Variants in RBFOX1 observed in about 807,000 individuals in gnomAD.
The protein encoded by RBFOX1 is RNA binding protein fox-1 homolog 1.
A neutral mutation model predicts 57.7 loss-of-function variants in RBFOX1; 8 were observed. The ratio of observed to expected loss-of-function variants is 0.14; its 90% confidence interval spans 0.08 to 0.25. The LOEUF is 0.25. RBFOX1 is among the 10% of genes least tolerant of loss of function. The pLI is 1.00. For missense variants in RBFOX1, 611 were observed against 548.5 expected (o/e 1.11, Z -1.14); for synonymous variants, 326 against 222.4 (o/e 1.47, Z -4.15).
chr16:7,416,865 T>G (rs1465483714), intron 4 of RBFOX1, among the ~76,000 whole-genome samples: 1 of 152,134 alleles, frequency 6.6e-6, no homozygotes, highest in Non-Finnish European at 1.5e-5. Context: ...ATTATCTCAT[T>G]CAATCCCCGA....
rs115438324 is a variant in RBFOX1, at chr16:5,912,395, C to T, written c.351+45060C>T. On this transcript the variant is annotated intron_variant, in intron 4 of 19. Coordinates refer to the RBFOX1 transcript ENST00000641259. ...GCCTGGGAGAAGCTGAGCAGCTTTG[C>T]ACTAATCAGAGATTAGGAGTCTACC... 1.3e-3 allele frequency among the ~76,000 whole-genome samples: 205 copies of T among 152,260 alleles called. 1 individual carries two copies. The highest frequency in any genetic ancestry group is 4.8e-3 in the African/African-American group (199 of 41,542).
rs1597440453 is a variant in RBFOX1 at position 5,537,006 on chromosome 16, A to G, written c.259-61896A>G. 2.0e-5 allele frequency among the ~76,000 whole-genome samples: 3 copies of G among 152,324 alleles called. No individual in the cohort carries two copies. The South Asian group carries it at 6.2e-4, about 32-fold the overall frequency. ...TTTCTATCACTGCATAACAAGGATC[A>G]TCTTCTCCCCAGTTTTAAGTAACAG... is the stretch of plus-strand genomic sequence containing the variant. On this transcript the variant is annotated intron_variant, in intron 2 of 2. Coordinates refer to the RBFOX1 transcript ENST00000585867.
intron 1 of RBFOX1, among the ~76,000 whole-genome samples, chr16:5,375,357 G>A (rs1471682787): frequency 6.6e-6 from 1 of 152,208 alleles, no homozygotes; most frequent in Non-Finnish European, 1.5e-5. Context: ...AGGTTGGAAA[G>A]GAAACTGTGG....
intron 2 of RBFOX1, among the ~76,000 whole-genome samples, chr16:6,460,248 G>C (rs1172967171): frequency 6.6e-6 from 1 of 151,948 alleles, no homozygotes; most frequent in African/African-American, 2.4e-5. Flanking sequence ...TCTTTTCCCT[G>C]TGTTTTTCCC....
At chr16:7,077,757 C>A (rs1426142043) in intron 4 of RBFOX1, among the ~76,000 whole-genome samples, 2 of 152,176 alleles carry the variant, frequency 1.3e-5, no homozygotes, top group African/African-American at 4.8e-5. Flanking sequence ...TAAACTTGTC[C>A]TGTTAGCAGC....
chr16:6,311,392 C>G (rs2080293317), intron 1 of RBFOX1, among the ~76,000 whole-genome samples: 1 of 150,860 alleles, frequency 6.6e-6, no homozygotes, highest in South Asian at 2.1e-4. Flanking sequence ...GAAAATGAAT[C>G]TCTCTTTGGG....
At chr16:5,975,200 C>A (rs899337119) in intron 4 of RBFOX1, among the ~76,000 whole-genome samples, 3 of 152,136 alleles carry the variant, frequency 2.0e-5, no homozygotes, top group Non-Finnish European at 4.4e-5. Flanking sequence ...TCCTCTTTCT[C>A]GATGCCGGCT....
At chr16:6,589,591 G>A (rs2097681816) in intron 2 of RBFOX1, among the ~76,000 whole-genome samples, 1 of 152,180 alleles carries the variant, frequency 6.6e-6, no homozygotes, top group Non-Finnish European at 1.5e-5. Flanking sequence ...TGTTATCCCA[G>A]GAGCAATCTG....
intron 15 of RBFOX1, chr16:7,709,404 A>G: frequency 1.6e-6 from 2 of 1,277,266 alleles, no homozygotes; most frequent in East Asian, 2.7e-5. Flanking sequence ...AGTCATTTTG[A>G]TAATTAAATC....
At chr16:7,175,250 C>T (rs948970446) in intron 4 of RBFOX1, among the ~76,000 whole-genome samples, 7 of 151,810 alleles carry the variant, frequency 4.6e-5, no homozygotes, top group Admixed American at 3.3e-4. Context: ...CTCCCTGTGC[C>T]CATGTATTTT....
intron 4 of RBFOX1, among the ~76,000 whole-genome samples, chr16:7,297,580 C>G (rs142119081): frequency 1.3e-5 from 2 of 152,094 alleles, no homozygotes; most frequent in Non-Finnish European, 2.9e-5. Flanking sequence ...AATATTGCAA[C>G]TCAGTAGTGG....
chr16:6,864,961 C>T (rs972275946), intron 3 of RBFOX1, among the ~76,000 whole-genome samples: 3 of 150,052 alleles, frequency 2.0e-5, no homozygotes, highest in Middle Eastern at 3.5e-3. Flanking sequence ...GTTCCTCAAT[C>T]CCAGTGCCAA....
intron 4 of RBFOX1, among the ~76,000 whole-genome samples, chr16:7,194,235 T>C (rs2086134061): frequency 6.6e-6 from 1 of 152,234 alleles, no homozygotes; most frequent in Non-Finnish European, 1.5e-5. Flanking sequence ...CTACAGGTAA[T>C]GGTTGTTAGA....
rs190289047 is a variant in RBFOX1, at chr16:6,537,105, C to G, written c.-63-117498C>G. 1.8e-3 allele frequency among the ~76,000 whole-genome samples: 273 copies of G among 152,120 alleles called. 2 individuals carry two copies. Among genetic ancestry groups the G allele is most frequent in the African/African-American group, 6.4e-3 (265 of 41,516 alleles). On this transcript the variant is annotated intron_variant, in intron 2 of 15. Transcript: ENST00000550418. ...TCTAATGAATTTTCCTTCCAGCGTT[C>G]CATACCAGTGTTTCTCAAGCTTTTA...
intron 2 of RBFOX1, among the ~76,000 whole-genome samples, chr16:5,539,331 G>A (rs974401766): frequency 1.1e-4 from 16 of 150,806 alleles, no homozygotes; most frequent in African/African-American, 2.7e-4. Flanking sequence ...GATGGCTCAC[G>A]CCTGTAATCC....
At chr16:6,408,334 T>G (rs982413211) in intron 2 of RBFOX1, among the ~76,000 whole-genome samples, 1 of 152,276 alleles carries the variant, frequency 6.6e-6, no homozygotes, top group South Asian at 2.1e-4. Flanking sequence ...AAGGTGTGTG[T>G]GCAGGGGGGA....
chr16:7,026,879 C>G (rs1338663555), intron 3 of RBFOX1, among the ~76,000 whole-genome samples: 1 of 152,210 alleles, frequency 6.6e-6, no homozygotes, highest in Non-Finnish European at 1.5e-5. Context: ...CAAGGGAGGG[C>G]TTTGCTTAGA....
At chr16:6,781,124 C>T (rs1335102706) in intron 3 of RBFOX1, among the ~76,000 whole-genome samples, 1 of 152,030 alleles carries the variant, frequency 6.6e-6, no homozygotes, top group African/African-American at 2.4e-5. Flanking sequence ...TTCATTGGTC[C>T]AGGTCTTACA....
At chr16:6,026,891 C>G (rs1222368381) in intron 1 of RBFOX1, among the ~76,000 whole-genome samples, 2 of 152,240 alleles carry the variant, frequency 1.3e-5, no homozygotes, top group Admixed American at 6.5e-5. Context: ...ACAGCTGGAG[C>G]TGCTCTGATA....
Sources: gnomAD v4.1 joint callset for allele counts (sites outside exome capture counted in the v4.1 genomes callset) on GRCh38, gnomAD v4.1.1 for gene constraint, MANE v1.5 for transcripts, NCBI Gene and HGNC (gene_info 2026-07-23, HGNC 2026-07-21) for gene names.